DNAH11: variants seen among roughly 807,000 people sequenced by gnomAD.
The protein encoded by DNAH11 is dynein axonemal heavy chain 11.
Under a neutral mutation model 526.0 loss-of-function variants are expected in DNAH11, and 442 were observed. The ratio of observed to expected loss-of-function variants is 0.84; its 90% confidence interval spans 0.78 to 0.91. DNAH11 has a LOEUF of 0.91. DNAH11 is among the 40% of genes least tolerant of loss of function. DNAH11 has a pLI of 0.00. For missense variants in DNAH11, 6,989 were observed against 5,448.7 expected (o/e 1.28, Z -8.90); for synonymous variants, 2,461 against 1,935.9 (o/e 1.27, Z -7.12).
intron 10 of DNAH11, 114 bp from the exon 11 acceptor site, chr7:21,588,398 A>G (rs989194334): frequency 1.7e-5 from 24 of 1,392,508 alleles, no homozygotes; most frequent in Non-Finnish European, 2.3e-5. Flanking sequence ...GTGATTAAAC[A>G]CATATGTTTT....
At chr7:21,791,838 T>C (rs1244023924) in intron 61 of DNAH11, among the ~76,000 whole-genome samples, 2 of 152,140 alleles carry the variant, frequency 1.3e-5, no homozygotes, top group African/African-American at 4.8e-5. Flanking sequence ...CAGGAATATA[T>C]AGTTGGGAAT....
intron 9 of DNAH11, among the ~76,000 whole-genome samples, chr7:21,586,923 C>T (rs1443675056): frequency 1.3e-5 from 2 of 152,142 alleles, no homozygotes; most frequent in Non-Finnish European, 2.9e-5. Flanking sequence ...TGCTAGACTG[C>T]CTGGTTTCAA....
chr7:21,659,694 A>G (rs753790010), intron 30 of DNAH11, among the ~76,000 whole-genome samples: 2 of 152,066 alleles, frequency 1.3e-5, no homozygotes, highest in South Asian at 2.1e-4. Flanking sequence ...GGCTTTCCCA[A>G]TGTTGCACAG....
At chr7:21,761,600 T>C (rs1392358661) in intron 54 of DNAH11, among the ~76,000 whole-genome samples, 1 of 152,154 alleles carries the variant, frequency 6.6e-6, no homozygotes, top group Non-Finnish European at 1.5e-5. Flanking sequence ...GAGTCCCACC[T>C]CCAGAGTTTC....
Position 21,778,748 on chromosome 7 carries a change from A to G in DNAH11, c.9337-210A>G, listed in dbSNP as rs74663784. On this transcript the variant is annotated intron_variant, in intron 56 of 81. Coordinates refer to ENST00000409508, the MANE Select transcript of DNAH11 (RefSeq NM_001277115.2). Reference sequence around the variant, plus strand: ...AAAAATTAATTATATTTCCTGCAAAATCATTGGAAAATATTATTCTGTTTG... The same window carrying G: ...AAAAATTAATTATATTTCCTGCAAAGTCATTGGAAAATATTATTCTGTTTG... 0.013 allele frequency among the ~76,000 whole-genome samples: 2,020 copies of G among 152,308 alleles called. 36 individuals carry two copies. The highest frequency in any genetic ancestry group is 0.041 in the African/African-American group (1,695 of 41,566).
chr7:21,827,755 A>C (rs938419298), intron 65 of DNAH11, among the ~76,000 whole-genome samples: 9 of 152,108 alleles, frequency 5.9e-5, no homozygotes, highest in Non-Finnish European at 1.3e-4. Context: ...AATTGCTTTC[A>C]GTTAGCAGCT....
At chr7:21,673,349 C>T (rs958662616) in intron 30 of DNAH11, among the ~76,000 whole-genome samples, 1 of 152,140 alleles carries the variant, frequency 6.6e-6, no homozygotes, top group Admixed American at 6.5e-5. Context: ...ACTAATCGTG[C>T]CTACTTCGTA....
chr7:21,692,963 T>G (rs1354926062), intron 35 of DNAH11, among the ~76,000 whole-genome samples: 2 of 152,224 alleles, frequency 1.3e-5, no homozygotes, highest in Non-Finnish European at 2.9e-5. Flanking sequence ...TCTATTGCTA[T>G]ACCATCTTTT....
intron 1 of DNAH11, 140 bp from the exon 2 acceptor site, chr7:21,544,866 G>C (rs1782747166): frequency 1.6e-6 from 1 of 621,750 alleles, no homozygotes; most frequent in Non-Finnish European, 2.7e-6. Context: ...GGGAAGAGCC[G>C]TAGAAGGACC....
intron 54 of DNAH11, among the ~76,000 whole-genome samples, chr7:21,758,315 C>T (rs551316052): frequency 1.3e-5 from 2 of 152,158 alleles, no homozygotes; most frequent in Non-Finnish European, 2.9e-5. Flanking sequence ...CTGAGGTTTA[C>T]CCTCTTTGAG....
intron 28 of DNAH11, among the ~76,000 whole-genome samples, chr7:21,654,875 C>A (rs1468482534): frequency 6.6e-6 from 1 of 152,152 alleles, no homozygotes; most frequent in Admixed American, 6.6e-5. Flanking sequence ...CTCCTTTCCT[C>A]CATGACAAAA....
chr7:21,747,138 C>T (rs1228935706), intron 51 of DNAH11, among the ~76,000 whole-genome samples: 1 of 152,136 alleles, frequency 6.6e-6, no homozygotes. Flanking sequence ...TCAAAGCATA[C>T]ATTAAAATGA....
chr7:21,624,409 G>C (rs533154219), intron 25 of DNAH11, among the ~76,000 whole-genome samples: 1 of 152,068 alleles, frequency 6.6e-6, no homozygotes, highest in Admixed American at 6.6e-5. Flanking sequence ...TGTTGGTTTT[G>C]TACCTTACAA....
intron 14 of DNAH11, among the ~76,000 whole-genome samples, chr7:21,594,701 G>A (rs1181301330): frequency 6.6e-6 from 1 of 152,110 alleles, no homozygotes; most frequent in African/African-American, 2.4e-5. Context: ...TGGGGCAGGA[G>A]ATCCCTGGGC....
chr7:21,669,840 C>T (rs1401514952), intron 30 of DNAH11, among the ~76,000 whole-genome samples: 2 of 152,090 alleles, frequency 1.3e-5, no homozygotes, highest in Admixed American at 6.6e-5. Context: ...AGTCAACTGA[C>T]TATATACGTA....
chr7:21,650,134 A>C (rs1325889923), intron 28 of DNAH11, among the ~76,000 whole-genome samples: 2 of 152,236 alleles, frequency 1.3e-5, no homozygotes, highest in African/African-American at 4.8e-5. Flanking sequence ...ACACATTTAC[A>C]TAAAATTATA....
At position 21,599,515 on chromosome 7, in the gene DNAH11, T is replaced by C. The variant is rs140323496; in HGVS notation, c.2668-272T>C. Among the ~76,000 whole-genome samples the C allele has an allele frequency of 6.0e-3, 910 of 152,352 alleles. 9 individuals are homozygous for C. Among genetic ancestry groups the C allele is most frequent in the African/African-American group, 0.021 (853 of 41,592 alleles). ...ATGTCTAGAATTCACTGGGAACTAG[T>C]GTATTTCCTGTCTGTATCTGAAGAT... is the stretch of plus-strand genomic sequence containing the variant. On this transcript the variant is annotated intron_variant, in intron 14 of 81. Coordinates refer to ENST00000409508, the MANE Select transcript of DNAH11 (RefSeq NM_001277115.2).
At chr7:21,559,847 C>G in intron 4 of DNAH11, 55 bp downstream of exon 4, 1 of 1,382,932 alleles carries the variant, frequency 7.2e-7, no homozygotes, top group Non-Finnish European at 1.0e-6. Context: ...TCCTGAGCTG[C>G]AATGACCAAT....
At chr7:21,861,315 T>C (rs1318819828) in intron 68 of DNAH11, among the ~76,000 whole-genome samples, 1 of 152,228 alleles carries the variant, frequency 6.6e-6, no homozygotes, top group African/African-American at 2.4e-5. Flanking sequence ...ACTGAGCTCA[T>C]CACATTGTGT....
Sources: allele counts gnomAD v4.1 joint callset (sites outside exome capture counted in the v4.1 genomes callset), GRCh38; gene constraint gnomAD v4.1.1; transcripts MANE v1.5; gene names NCBI Gene and HGNC (gene_info 2026-07-23, HGNC 2026-07-21).